The following RBFOX1 variants were observed in gnomAD, a reference collection of about 807,000 sequenced individuals.
The protein encoded by RBFOX1 is RNA binding fox-1 homolog 1.
In RBFOX1, 8 loss-of-function variants were observed where a neutral mutation model predicts 57.7. That is an observed-to-expected ratio of 0.14 (90% confidence interval 0.08 to 0.25). RBFOX1 has a LOEUF of 0.25. Among genes scored for constraint, RBFOX1 ranks in the 10% least tolerant of loss-of-function variants. RBFOX1 has a pLI of 1.00. For synonymous variants in RBFOX1, 326 were observed against 222.4 expected, an observed-to-expected ratio of 1.47 and a Z score of -4.15; for missense variants, 611 against 548.5, an observed-to-expected ratio of 1.11 and a Z score of -1.14.
At chr16:6,358,109 A>G (rs1241761222) in intron 2 of RBFOX1, among the ~76,000 whole-genome samples, 1 of 152,110 alleles carries the variant, frequency 6.6e-6, no homozygotes, top group Non-Finnish European at 1.5e-5. Context: ...GGCTGCCTGG[A>G]TGTACCCTCC....
intron 1 of RBFOX1, among the ~76,000 whole-genome samples, chr16:5,380,265 A>G (rs1369292435): frequency 2.0e-5 from 3 of 152,182 alleles, no homozygotes; most frequent in Non-Finnish European, 4.4e-5. Context: ...TTCAGTAGGT[A>G]GATGGTGGAA....
At chr16:6,516,279 C>G (rs917233494) in intron 2 of RBFOX1, among the ~76,000 whole-genome samples, 2 of 152,122 alleles carry the variant, frequency 1.3e-5, no homozygotes, top group African/African-American at 4.8e-5. Flanking sequence ...GACTTCTTGT[C>G]TTTAAATTTT....
At chr16:7,666,881 G>A (rs1359782619) in intron 13 of RBFOX1, among the ~76,000 whole-genome samples, 1 of 152,150 alleles carries the variant, frequency 6.6e-6, no homozygotes, top group Admixed American at 6.5e-5. Flanking sequence ...CAAGCCCACT[G>A]GGTGCAGCGG....
chr16:7,471,154 T>C (rs556828722), intron 4 of RBFOX1, among the ~76,000 whole-genome samples: 118 of 152,184 alleles, frequency 7.8e-4, no homozygotes, highest in Middle Eastern at 3.4e-3. Flanking sequence ...CTTGGGGGGA[T>C]TTTCTATGAT....
chr16:5,887,943 CCA>C (rs1184187955), intron 4 of RBFOX1, among the ~76,000 whole-genome samples: 1 of 152,020 alleles, frequency 6.6e-6, no homozygotes, highest in African/African-American at 2.4e-5. Context: ...AGGGCAAGGA[CCA>C]CACACACACA....
chr16:5,280,552 A>G (rs1178732758), intron 1 of RBFOX1, among the ~76,000 whole-genome samples: 1 of 152,166 alleles, frequency 6.6e-6, no homozygotes, highest in Admixed American at 6.5e-5. Context: ...TCAGCATAAA[A>G]GCTTAGTTTA....
intron 4 of RBFOX1, chr16:7,333,062 G>C: frequency 2.5e-6 from 4 of 1,613,880 alleles, no homozygotes; most frequent in Non-Finnish European, 3.4e-6. Context: ...TGTACCGGCA[G>C]CTCCTTACCT....
chr16:7,040,886 G>T (rs992750380), intron 3 of RBFOX1, among the ~76,000 whole-genome samples: 2 of 147,046 alleles, frequency 1.4e-5, no homozygotes, highest in African/African-American at 5.0e-5. Flanking sequence ...TGTAAATAAA[G>T]TTTTTTTTTT....
chr16:5,290,025 G>A (rs2063495348), intron 1 of RBFOX1, among the ~76,000 whole-genome samples: 1 of 152,322 alleles, frequency 6.6e-6, no homozygotes, highest in East Asian at 1.9e-4. Context: ...CCATGCAATG[G>A]AATATTATTC....
intron 4 of RBFOX1, among the ~76,000 whole-genome samples, chr16:7,063,669 A>T (rs76547906): frequency 0.026 from 3,919 of 152,290 alleles, 166 homozygotes; most frequent in African/African-American, 0.088. Flanking sequence ...TCATATTTGC[A>T]GATTCAACCA....
intron 3 of RBFOX1, among the ~76,000 whole-genome samples, chr16:5,763,988 C>A (rs1225210121): frequency 1.3e-5 from 2 of 152,216 alleles, no homozygotes; most frequent in Non-Finnish European, 2.9e-5. Flanking sequence ...AGAACACATG[C>A]ACCTCAAGGG....
At chr16:5,400,147 T>G (rs147618887) in intron 1 of RBFOX1, among the ~76,000 whole-genome samples, 13 of 151,884 alleles carry the variant, frequency 8.6e-5, no homozygotes, top group Non-Finnish European at 1.8e-4. Context: ...TCACCCAGGC[T>G]GGAGTGCAGT....
At chr16:6,274,092 G>C (rs2075530995) in intron 1 of RBFOX1, among the ~76,000 whole-genome samples, 1 of 152,174 alleles carries the variant, frequency 6.6e-6, no homozygotes, top group Non-Finnish European at 1.5e-5. Context: ...CACATCGCTG[G>C]AGAGGATGTC....
chr16:6,655,979 A>T (rs147017075), intron 3 of RBFOX1, among the ~76,000 whole-genome samples: 1 of 152,216 alleles, frequency 6.6e-6, no homozygotes, highest in Admixed American at 6.5e-5. Flanking sequence ...AAGAATAATG[A>T]TACAGTAAGT....
At chr16:5,527,682 C>G (rs143950119) in intron 2 of RBFOX1, among the ~76,000 whole-genome samples, 4 of 152,116 alleles carry the variant, frequency 2.6e-5, no homozygotes, top group Admixed American at 6.5e-5. Flanking sequence ...TGTGCTTGAG[C>G]TGCAGACTTA....
intron 4 of RBFOX1, among the ~76,000 whole-genome samples, chr16:5,886,809 A>G (rs2057911123): frequency 6.6e-6 from 1 of 152,178 alleles, no homozygotes; most frequent in South Asian, 2.1e-4. Context: ...AATCACTTGA[A>G]CCTGGGAGGT....
chr16:7,203,845 A>G (rs979600985), intron 4 of RBFOX1, among the ~76,000 whole-genome samples: 1 of 152,226 alleles, frequency 6.6e-6, no homozygotes, highest in Admixed American at 6.5e-5. Context: ...GGATTTAACC[A>G]GAAATCTAAG....
At chr16:6,064,692 C>T (rs1466604989) in intron 1 of RBFOX1, among the ~76,000 whole-genome samples, 2 of 152,108 alleles carry the variant, frequency 1.3e-5, no homozygotes, top group African/African-American at 2.4e-5. Context: ...AGGTGCATGC[C>T]ACCACACCCA....
chr16:6,319,861 A>G (rs1032848942), intron 2 of RBFOX1, among the ~76,000 whole-genome samples: 2 of 152,194 alleles, frequency 1.3e-5, no homozygotes, highest in Admixed American at 1.3e-4. Context: ...TTTTCCTATC[A>G]GGCTAAAAAT....
Sources: allele counts gnomAD v4.1 joint callset (sites outside exome capture counted in the v4.1 genomes callset), GRCh38; gene constraint gnomAD v4.1.1; transcripts MANE v1.5; gene names NCBI Gene and HGNC (gene_info 2026-07-23, HGNC 2026-07-21).